The following TACR3 variants were observed in gnomAD, a reference collection of about 807,000 sequenced individuals.
TACR3 encodes the protein tachykinin receptor 3.
Under a neutral mutation model 35.0 loss-of-function variants are expected in TACR3, and 34 were observed. The observed-to-expected ratio is 0.97, with a 90% CI of 0.74 to 1.30. TACR3 has a LOEUF of 1.30. TACR3 is among the 50% of genes most tolerant of loss of function. The pLI, the probability that TACR3 is intolerant of heterozygous loss-of-function variation, is 0.00. For synonymous variants in TACR3, 233 were observed against 221.1 expected (o/e 1.05, Z -0.48); for missense variants, 558 against 591.7 (o/e 0.94, Z 0.59).
chr4:103,698,488 G>T (rs1046445978), intron 1 of TACR3, among the ~76,000 whole-genome samples: 6 of 151,832 alleles, frequency 4.0e-5, no homozygotes, highest in Non-Finnish European at 8.8e-5. Flanking sequence ...GTATTTATAT[G>T]ATTTTTAAAA....
chr4:103,615,376 C>CAT (rs1724624501), intron 3 of TACR3, among the ~76,000 whole-genome samples: 2 of 143,948 alleles, frequency 1.4e-5, no homozygotes, highest in African/African-American at 2.7e-5. Flanking sequence ...TTCCTGCTAT[C>CAT]GTGTGTGTGT....
At chr4:103,712,745 C>T (rs1722999765) in intron 1 of TACR3, among the ~76,000 whole-genome samples, 2 of 152,204 alleles carry the variant, frequency 1.3e-5, no homozygotes, top group South Asian at 4.2e-4. Flanking sequence ...GGCTAATATC[C>T]AGAATCTACA....
At chr4:103,666,264 G>A (rs1725934455) in intron 1 of TACR3, among the ~76,000 whole-genome samples, 1 of 152,140 alleles carries the variant, frequency 6.6e-6, no homozygotes, top group African/African-American at 2.4e-5. Flanking sequence ...CCACAAGAAA[G>A]CAACATTAAG....
intron 3 of TACR3, among the ~76,000 whole-genome samples, chr4:103,604,443 G>A (rs1372789207): frequency 1.3e-5 from 2 of 152,186 alleles, no homozygotes; most frequent in East Asian, 3.9e-4. Flanking sequence ...AACCCTAGAA[G>A]AAAACCTAGG....
Position 103,587,420 on chromosome 4 carries a change from G to C in TACR3, c.*2262C>G, listed in dbSNP as rs895842337. 1 of 151,900 alleles carries C rather than the reference G, an allele frequency of 6.6e-6. No individual in the cohort carries two copies. Among genetic ancestry groups the C allele is most frequent in the Non-Finnish European group, 1.5e-5 (1 of 67,946 alleles). The allele number at this position is 151,900 out of a possible 1,614,324, so 9.4% of individuals were successfully genotyped here. A position where few individuals can be genotyped will look rare whatever the true frequency, so the allele number is the denominator to read the frequency against. On this transcript the variant is annotated 3_prime_UTR_variant, in exon 5 of 5. Coordinates refer to ENST00000304883, the MANE Select transcript of TACR3 (RefSeq NM_001059.3). Reference sequence around the variant, plus strand: ...CTGTCACACTAGAAGGGAGGTGCTCGGTAAGCAACACAACAATATGTATGT... The same window carrying C: ...CTGTCACACTAGAAGGGAGGTGCTCCGTAAGCAACACAACAATATGTATGT...
At chr4:103,663,546 C>G (rs573731879) in intron 1 of TACR3, among the ~76,000 whole-genome samples, 1 of 152,130 alleles carries the variant, frequency 6.6e-6, no homozygotes, top group South Asian at 2.1e-4. Context: ...AGTAAGTTAT[C>G]TAACTTATGT....
chr4:103,619,443 G>GC (rs1394770031), intron 3 of TACR3, among the ~76,000 whole-genome samples: 5 of 152,096 alleles, frequency 3.3e-5, no homozygotes, highest in Non-Finnish European at 5.9e-5. Context: ...GCCCACCTCA[G>GC]CCTCCCAAAT....
intron 3 of TACR3, among the ~76,000 whole-genome samples, chr4:103,619,478 C>T (rs1434563466): frequency 6.6e-6 from 1 of 152,234 alleles, no homozygotes; most frequent in Admixed American, 6.5e-5. Context: ...GCATGAGCCA[C>T]TGCACCTGGC....
chr4:103,691,164 A>G (rs1439030791), intron 1 of TACR3, among the ~76,000 whole-genome samples: 1 of 152,190 alleles, frequency 6.6e-6, no homozygotes, highest in Non-Finnish European at 1.5e-5. Context: ...CCATACATGA[A>G]CACTCATAGC....
At chr4:103,667,045 G>A (rs1208953515) in intron 1 of TACR3, among the ~76,000 whole-genome samples, 1 of 152,082 alleles carries the variant, frequency 6.6e-6, no homozygotes, top group African/African-American at 2.4e-5. Context: ...ATCACCTGAG[G>A]TCAGAAGTTC....
intron 3 of TACR3, among the ~76,000 whole-genome samples, chr4:103,635,337 G>A (rs1300794166): frequency 2.6e-5 from 4 of 151,790 alleles, no homozygotes; most frequent in Non-Finnish European, 4.4e-5. Flanking sequence ...TGAAGAGAAA[G>A]AATATAGCGA....
At chr4:103,604,659 C>A (rs1724304043) in intron 3 of TACR3, among the ~76,000 whole-genome samples, 1 of 151,902 alleles carries the variant, frequency 6.6e-6, no homozygotes, top group Admixed American at 6.6e-5. Context: ...GGGCTAATAT[C>A]CAGAATCTAC....
At chr4:103,602,875 C>G (rs536833025) in intron 3 of TACR3, among the ~76,000 whole-genome samples, 1 of 152,340 alleles carries the variant, frequency 6.6e-6, no homozygotes, top group Admixed American at 6.5e-5. Flanking sequence ...ATTCTCAGAT[C>G]TCAAGCTGCA....
At chr4:103,634,212 G>A (rs1725130202) in intron 3 of TACR3, among the ~76,000 whole-genome samples, 1 of 151,982 alleles carries the variant, frequency 6.6e-6, no homozygotes. Context: ...TAATGAAGAG[G>A]AACAATGATA....
At chr4:103,639,759 TTAAA>T (rs1299134410) in intron 3 of TACR3, among the ~76,000 whole-genome samples, 5 of 151,972 alleles carry the variant, frequency 3.3e-5, no homozygotes, top group African/African-American at 1.2e-4. Flanking sequence ...GACTCTATTG[TTAAA>T]TAAAATAGGC....
rs1722776434 is a variant in TACR3, at chr4:103,705,892, T to C, written c.548+13236A>G. On this transcript the variant is annotated intron_variant, in intron 1 of 4. Coordinates refer to ENST00000304883, the MANE Select transcript of TACR3 (RefSeq NM_001059.3). ...TGGATTAAGAATATTATTCTTCTCA[T>C]AAGTGCAATGGAAACGTTGTAGGAT... Among the ~76,000 whole-genome samples the C allele has an allele frequency of 2.0e-5, 3 of 152,290 alleles. No homozygotes were observed. The South Asian group carries it at 6.2e-4, about 32-fold the overall frequency.
At chr4:103,682,800 G>T (rs1722129869) in intron 1 of TACR3, among the ~76,000 whole-genome samples, 1 of 152,138 alleles carries the variant, frequency 6.6e-6, no homozygotes, top group African/African-American at 2.4e-5. Context: ...GGCTGGACTG[G>T]AGAAGGATCC....
intron 1 of TACR3, among the ~76,000 whole-genome samples, chr4:103,689,007 C>T (rs1043778876): frequency 7.9e-5 from 12 of 152,096 alleles, no homozygotes; most frequent in Non-Finnish European, 1.5e-4. Context: ...CACAAATGTC[C>T]AACAACGATA....
intron 1 of TACR3, among the ~76,000 whole-genome samples, chr4:103,685,319 T>C (rs1421389947): frequency 6.6e-6 from 1 of 152,144 alleles, no homozygotes; most frequent in Non-Finnish European, 1.5e-5. Context: ...ATGCCAAAAA[T>C]ATTTTACATT....
Sources: gnomAD v4.1 joint callset for allele counts (sites outside exome capture counted in the v4.1 genomes callset) on GRCh38, gnomAD v4.1.1 for gene constraint, MANE v1.5 for transcripts, NCBI Gene and HGNC (gene_info 2026-07-23, HGNC 2026-07-21) for gene names.